KCND3: variants seen among roughly 807,000 people sequenced by gnomAD.
KCND3 encodes A-type voltage-gated potassium channel KCND3.
KCND3 carries 9 observed loss-of-function variants against 51.1 expected under a neutral mutation model. The observed-to-expected ratio is 0.18, with a 90% confidence interval of 0.11 to 0.31. The LOEUF is 0.31. Among genes scored for constraint, KCND3 ranks in the 10% least tolerant of loss-of-function variants. KCND3 has a pLI of 1.00. For missense variants in KCND3, 526 were observed against 903.8 expected, an observed-to-expected ratio of 0.58 and a Z score of 5.36; for synonymous variants, 349 against 368.0, an observed-to-expected ratio of 0.95 and a Z score of 0.59.
chr1:111,927,433 A>G (rs558425021), intron 2 of KCND3, among the ~76,000 whole-genome samples: 1 of 152,342 alleles, frequency 6.6e-6, no homozygotes, highest in African/African-American at 2.4e-5. Flanking sequence ...CTTTTTGGCT[A>G]TAAGCCACTG....
At chr1:111,912,613 T>C (rs1261296878) in intron 2 of KCND3, among the ~76,000 whole-genome samples, 1 of 152,200 alleles carries the variant, frequency 6.6e-6, no homozygotes, top group Non-Finnish European at 1.5e-5. Flanking sequence ...TGCATGTTAT[T>C]GCCCCAGATG....
intron 2 of KCND3, among the ~76,000 whole-genome samples, chr1:111,831,460 CT>C (rs1666829345): frequency 6.6e-6 from 1 of 152,196 alleles, no homozygotes; most frequent in African/African-American, 2.4e-5. Flanking sequence ...CCTGCTTCCC[CT>C]GGCTGTACGT....
At chr1:111,856,404 C>T (rs1436775669) in intron 2 of KCND3, among the ~76,000 whole-genome samples, 1 of 152,216 alleles carries the variant, frequency 6.6e-6, no homozygotes, top group Non-Finnish European at 1.5e-5. Context: ...CAGAGGATAA[C>T]ATGAGTGGAA....
chr1:111,904,040 C>T (rs1404091709), intron 2 of KCND3, among the ~76,000 whole-genome samples: 2 of 151,888 alleles, frequency 1.3e-5, no homozygotes, highest in Non-Finnish European at 2.9e-5. Context: ...TGTTGGCCTT[C>T]TGGCTCCCCT....
At chr1:111,962,665 T>C (rs1156480407) in intron 2 of KCND3, among the ~76,000 whole-genome samples, 1 of 152,218 alleles carries the variant, frequency 6.6e-6, no homozygotes, top group African/African-American at 2.4e-5. Context: ...CTTCTTTGTA[T>C]TTCCCACTAT....
At chr1:111,824,816 T>C (rs1383018020) in intron 2 of KCND3, among the ~76,000 whole-genome samples, 1 of 152,178 alleles carries the variant, frequency 6.6e-6, no homozygotes, top group African/African-American at 2.4e-5. Context: ...ATCCTGTTTT[T>C]CCACACATAG....
chr1:111,886,992 T>C (rs1669600819), intron 2 of KCND3, among the ~76,000 whole-genome samples: 1 of 152,126 alleles, frequency 6.6e-6, no homozygotes, highest in African/African-American at 2.4e-5. Flanking sequence ...CACACTGTAG[T>C]CCTCTAAGAA....
chr1:111,978,652 C>T (rs2101985204), intron 2 of KCND3, among the ~76,000 whole-genome samples: 1 of 152,276 alleles, frequency 6.6e-6, no homozygotes. Flanking sequence ...AGATCATACA[C>T]CAAGTAAAGG....
intron 2 of KCND3, among the ~76,000 whole-genome samples, chr1:111,842,972 AG>A (rs1337030063): frequency 6.6e-6 from 1 of 152,208 alleles, no homozygotes; most frequent in Admixed American, 6.5e-5. Context: ...TGGCATGGTT[AG>A]CATCTTTACA....
chr1:111,888,891 A>G (rs1669694987), intron 2 of KCND3, among the ~76,000 whole-genome samples: 1 of 151,830 alleles, frequency 6.6e-6, no homozygotes, highest in Non-Finnish European at 1.5e-5. Context: ...TGCAGAGGAG[A>G]GGAAGGAAGC....
At chr1:111,887,174 G>A (rs1669607739) in intron 2 of KCND3, among the ~76,000 whole-genome samples, 1 of 152,192 alleles carries the variant, frequency 6.6e-6, no homozygotes, top group Non-Finnish European at 1.5e-5. Context: ...CGCTGCCCCA[G>A]TGCTGAAGAG....
intron 2 of KCND3, among the ~76,000 whole-genome samples, chr1:111,839,871 C>CT (rs1343253256): frequency 6.6e-6 from 1 of 152,216 alleles, no homozygotes. Context: ...CAAAAGTGCC[C>CT]TTTTTTGGCT....
chr1:111,814,414 G>A (rs1038091762), intron 2 of KCND3, among the ~76,000 whole-genome samples: 3 of 152,204 alleles, frequency 2.0e-5, no homozygotes, highest in Non-Finnish European at 2.9e-5. Flanking sequence ...AGGAAACAGC[G>A]TATATTGAGA....
chr1:111,784,715 C>A (rs1664536328), intron 3 of KCND3, among the ~76,000 whole-genome samples: 1 of 152,060 alleles, frequency 6.6e-6, no homozygotes, highest in Non-Finnish European at 1.5e-5. Flanking sequence ...TTATAGGAAG[C>A]CCAAGGTGAC....
At chr1:111,961,255 C>A (rs1673639861) in intron 2 of KCND3, among the ~76,000 whole-genome samples, 1 of 152,206 alleles carries the variant, frequency 6.6e-6, no homozygotes, top group African/African-American at 2.4e-5. Flanking sequence ...GCCAGCGAGG[C>A]CATTGTGCTC....
In KCND3 at chr1:111,983,299, C is replaced by T. The variant is rs564334039; in HGVS notation, c.-72-501G>A. On this transcript the variant is annotated intron_variant, in intron 1 of 7. Transcript: ENST00000302127. ...GAGATCAGGTAAACAATTCTTTCTACTCCTCCCTAGTGAGGAAGAGGCTGG... is the reference window on the plus strand; with the variant it reads ...GAGATCAGGTAAACAATTCTTTCTATTCCTCCCTAGTGAGGAAGAGGCTGG... Among the ~76,000 whole-genome samples the T allele has an allele frequency of 2.6e-5, 4 of 152,276 alleles. No homozygotes were observed. In the East Asian group the frequency reaches 7.7e-4, roughly 29 times the overall value.
At chr1:111,944,264 C>T in intron 2 of KCND3, among the ~76,000 whole-genome samples, 1 of 152,150 alleles carries the variant, frequency 6.6e-6, no homozygotes, top group Non-Finnish European at 1.5e-5. Context: ...GGGGCGCAGG[C>T]CACAAGAAGC....
At chr1:111,916,308 C>T (rs1671214901) in intron 2 of KCND3, among the ~76,000 whole-genome samples, 3 of 152,014 alleles carry the variant, frequency 2.0e-5, no homozygotes, top group Non-Finnish European at 4.4e-5. Flanking sequence ...TTAAATAAGG[C>T]ACTTCTTAAA....
intron 2 of KCND3, among the ~76,000 whole-genome samples, chr1:111,931,266 G>A (rs968544001): frequency 2.0e-5 from 3 of 152,176 alleles, no homozygotes; most frequent in Non-Finnish European, 4.4e-5. Flanking sequence ...GAGAAGAGAT[G>A]AGGAGGGTGG....
Sources: gnomAD v4.1 joint callset for allele counts (sites outside exome capture counted in the v4.1 genomes callset) on GRCh38, gnomAD v4.1.1 for gene constraint, MANE v1.5 for transcripts, NCBI Gene and HGNC (gene_info 2026-07-23, HGNC 2026-07-21) for gene names.